The following SEM1 variants were observed in gnomAD, a reference collection of about 807,000 sequenced individuals.
SEM1 encodes 26S proteasome complex subunit SEM1.
In SEM1, 3 loss-of-function variants were observed where a neutral mutation model predicts 12.7. The observed-to-expected ratio is 0.24, with a 90% CI of 0.11 to 0.61. The LOEUF (loss-of-function observed/expected upper bound fraction) is 0.61. Among genes scored for constraint, SEM1 ranks in the 20% least tolerant of loss-of-function variants. SEM1 has a pLI of 0.88. For synonymous variants in SEM1, 30 were observed against 27.8 expected (o/e 1.08, Z -0.25); for missense variants, 59 against 81.3 (o/e 0.73, Z 1.06).
intron 1 of SEM1, among the ~76,000 whole-genome samples, chr7:96,698,643 CT>C (rs1790172627): frequency 6.6e-6 from 1 of 152,126 alleles, no homozygotes; most frequent in African/African-American, 2.4e-5. Flanking sequence ...TACGTGCCAC[CT>C]TTTCTTTAAC....
intron 2 of SEM1, among the ~76,000 whole-genome samples, chr7:96,610,740 T>G (rs1156755560): frequency 6.6e-6 from 1 of 152,206 alleles, no homozygotes; most frequent in Non-Finnish European, 1.5e-5. Context: ...GAGTCTACAA[T>G]CTTTTGCATA....
chr7:96,499,360 T>G (rs1803423265), upstream of SEM1, among the ~76,000 whole-genome samples: 1 of 152,172 alleles, frequency 6.6e-6, no homozygotes, highest in South Asian at 2.1e-4. Flanking sequence ...AAATTGAGAC[T>G]GAGACTCTCA....
At chr7:96,562,420 T>C (rs1411830058) in intron 2 of SEM1, among the ~76,000 whole-genome samples, 1 of 152,198 alleles carries the variant, frequency 6.6e-6, no homozygotes, top group Non-Finnish European at 1.5e-5. Context: ...GGAAAACTTA[T>C]GCTATAATGG....
chr7:96,496,166 A>G, intron 1 of SEM1: 1 of 610,258 alleles, frequency 1.6e-6, no homozygotes, highest in Non-Finnish European at 2.7e-6. Flanking sequence ...CCAAACATTC[A>G]TTTTAACTCG....
At chr7:96,695,682 A>G (rs1253645680) in intron 1 of SEM1, 1 of 151,888 alleles carries the variant, frequency 6.6e-6, no homozygotes, top group African/African-American at 2.4e-5. Context: ...AAGACTAGAT[A>G]CTATGTTCTT....
At chr7:96,604,350 T>G (rs545231299) in intron 2 of SEM1, among the ~76,000 whole-genome samples, 23 of 152,298 alleles carry the variant, frequency 1.5e-4, no homozygotes, top group African/African-American at 5.3e-4. Flanking sequence ...AAGCAGAGTT[T>G]AGGAAGACAT....
Position 96,486,286 on chromosome 7 carries a change from ACT to A in SEM1, c.142_143del (p.Ser48Ter). ...GTTGCTTTGCAAAGGCCGGATGCTT[ACT>A]CTCATGGATCCAGGGTCCTCTGGCC... On this transcript the variant is annotated frameshift_variant, in exon 2 of 4. Transcript: ENST00000356686. LOFTEE classifies it high-confidence loss of function. The A allele has an allele frequency of 3.9e-6, 6 of 1,536,090 alleles. No individual in the cohort carries two copies. Among genetic ancestry groups the A allele is most frequent in the Non-Finnish European group, 5.2e-6 (6 of 1,146,762 alleles).
intron 2 of SEM1, among the ~76,000 whole-genome samples, chr7:96,604,927 TAAAC>T (rs1807300250): frequency 6.6e-6 from 1 of 151,234 alleles, no homozygotes; most frequent in African/African-American, 2.4e-5. Context: ...TCTCAAAAAA[TAAAC>T]AAACAAAAAC....
intron 2 of SEM1, among the ~76,000 whole-genome samples, chr7:96,529,918 C>G (rs1387952784): frequency 2.0e-5 from 3 of 152,100 alleles, no homozygotes; most frequent in Non-Finnish European, 4.4e-5. Context: ...TCTGGGAATC[C>G]CTGGCTCCTA....
intron 2 of SEM1, among the ~76,000 whole-genome samples, chr7:96,552,067 T>C (rs755313884): frequency 6.6e-6 from 1 of 152,310 alleles, no homozygotes; most frequent in East Asian, 1.9e-4. Context: ...GTGCCAGCAC[T>C]CTGTCATGTT....
intron 2 of SEM1, among the ~76,000 whole-genome samples, chr7:96,519,507 G>A (rs1428878966): frequency 6.6e-6 from 1 of 152,068 alleles, no homozygotes; most frequent in Admixed American, 6.6e-5. Context: ...GTGGGAGTGG[G>A]TGGGTTGAGA....
chr7:96,522,164 T>A (rs1804295142), intron 2 of SEM1, among the ~76,000 whole-genome samples: 1 of 152,110 alleles, frequency 6.6e-6, no homozygotes, highest in Non-Finnish European at 1.5e-5. Context: ...CTGGCATACA[T>A]CACGTGTAGT....
intron 1 of SEM1, among the ~76,000 whole-genome samples, chr7:96,487,665 A>G (rs995681307): frequency 1.3e-5 from 2 of 150,220 alleles, no homozygotes; most frequent in African/African-American, 5.1e-5. Context: ...TGACTTGCCC[A>G]GGACTACATG....
intron 2 of SEM1, among the ~76,000 whole-genome samples, chr7:96,514,295 C>T (rs1804023190): frequency 6.6e-6 from 1 of 151,954 alleles, no homozygotes; most frequent in African/African-American, 2.4e-5. Flanking sequence ...CCCAGGATAG[C>T]CGTGAACTCC....
chr7:96,607,543 G>A (rs1022866587), intron 2 of SEM1, among the ~76,000 whole-genome samples: 10 of 152,168 alleles, frequency 6.6e-5, no homozygotes, highest in African/African-American at 2.4e-4. Flanking sequence ...AGAAGTTCTA[G>A]TGCTTAACCT....
intron 2 of SEM1, among the ~76,000 whole-genome samples, chr7:96,565,053 C>A (rs1805805118): frequency 6.6e-6 from 1 of 151,890 alleles, no homozygotes; most frequent in South Asian, 2.1e-4. Context: ...CAAACAAAAC[C>A]TAGTCCTCCA....
intron 2 of SEM1, among the ~76,000 whole-genome samples, chr7:96,522,283 C>T (rs1430929723): frequency 6.6e-6 from 1 of 152,058 alleles, no homozygotes; most frequent in Non-Finnish European, 1.5e-5. Flanking sequence ...TAGCCCTGAC[C>T]TCTGGGTGCT....
intron 2 of SEM1, among the ~76,000 whole-genome samples, chr7:96,628,931 T>G (rs1808159641): frequency 6.6e-6 from 1 of 152,186 alleles, no homozygotes; most frequent in Non-Finnish European, 1.5e-5. Flanking sequence ...TAGGTTAGTT[T>G]TCTTTTTCTT....
At chr7:96,541,227 T>C (rs1241080810) in intron 2 of SEM1, among the ~76,000 whole-genome samples, 1 of 151,928 alleles carries the variant, frequency 6.6e-6, no homozygotes, top group Non-Finnish European at 1.5e-5. Context: ...AGCATTTCAT[T>C]TTCTCTTCAG....
Sources: gnomAD v4.1 joint callset for allele counts (sites outside exome capture counted in the v4.1 genomes callset) on GRCh38, gnomAD v4.1.1 for gene constraint, MANE v1.5 for transcripts, NCBI Gene and HGNC (gene_info 2026-07-23, HGNC 2026-07-21) for gene names.